NRP2: variants seen among roughly 807,000 people sequenced by gnomAD.
NRP2 encodes neuropilin 2.
Under a neutral mutation model 110.4 loss-of-function variants are expected in NRP2, and 52 were observed. The ratio of observed to expected loss-of-function variants is 0.47; its 90% confidence interval spans 0.38 to 0.59. The LOEUF (loss-of-function observed/expected upper bound fraction) is 0.59. NRP2 is among the 20% of genes least tolerant of loss of function. The pLI is 0.00. For synonymous variants in NRP2, 508 were observed against 468.9 expected, an observed-to-expected ratio of 1.08 and a Z score of -1.08; for missense variants, 1,049 against 1,203.0, an observed-to-expected ratio of 0.87 and a Z score of 1.89.
intron 15 of NRP2, among the ~76,000 whole-genome samples, chr2:205,770,027 G>A (rs1044423059): frequency 1.3e-5 from 2 of 152,176 alleles, no homozygotes; most frequent in African/African-American, 2.4e-5. Flanking sequence ...GTTTTTGTTC[G>A]TGTTAGAGGC....
At chr2:205,740,784 A>T in intron 8 of NRP2, 121 bp downstream of exon 8, 4 of 1,110,010 alleles carry the variant, frequency 3.6e-6, no homozygotes, top group Non-Finnish European at 5.2e-6. Flanking sequence ...TGGCTCAAGG[A>T]CTCAAGTCCT....
chr2:205,683,298 T>C lies in NRP2; in HGVS notation c.8T>C (p.Met3Thr). 3 of 1,613,464 alleles carry C rather than the reference T, an allele frequency of 1.9e-6. No homozygotes were observed. The highest frequency in any genetic ancestry group is 2.2e-5 in the South Asian group (2 of 90,966). ...AGAGCCACCTTCTCCAAAATGGATA[T>C]GTTTCCTCTCACCTGGGTTTTCTTA... MDMFPLTWVFLAL... is the reference protein window; with the variant it reads MDTFPLTWVFLAL... The change falls in exon 1 of 17, where the codon ATG becomes ACG. Residue 3 changes from methionine to threonine, a missense_variant. Transcript: ENST00000357785.
rs2058340197 is a variant in NRP2 at position 205,795,040 on chromosome 2, G to A, written c.2763G>A (p.Lys921=). The change falls in exon 17 of 17, where the codon AAG becomes AAA. Residue 921 remains lysine, a synonymous_variant. Transcript: ENST00000357785. The part of the protein sequence containing the change: ...LKHKVKMNHQ[K]CCSEA Reference sequence around the variant, plus strand: ...ACAAGGTCAAGATGAACCACCAAAAGTGCTGCTCCGAGGCATGACGGATTG... The same window carrying A: ...ACAAGGTCAAGATGAACCACCAAAAATGCTGCTCCGAGGCATGACGGATTG... The A allele has an allele frequency of 6.2e-7, 1 of 1,614,032 alleles. No homozygotes were observed. Among genetic ancestry groups the A allele is most frequent in the Admixed American group, 1.7e-5 (1 of 60,000 alleles).
intron 15 of NRP2, chr2:205,776,074 C>A: frequency 1.3e-6 from 1 of 774,328 alleles, no homozygotes; most frequent in Non-Finnish European, 2.3e-6. Context: ...GGAAATAATG[C>A]AATCGTTGAG....
At chr2:205,750,815 T>G (rs3771016) in intron 11 of NRP2, among the ~76,000 whole-genome samples, 1 of 152,006 alleles carries the variant, frequency 6.6e-6, no homozygotes, top group Non-Finnish European at 1.5e-5. Context: ...CTGTGGAACC[T>G]GCAAGCACAG....
At chr2:205,787,229 C>T (rs1351831551) in intron 15 of NRP2, among the ~76,000 whole-genome samples, 1 of 152,150 alleles carries the variant, frequency 6.6e-6, no homozygotes, top group Non-Finnish European at 1.5e-5. Context: ...ATTCCGCCCC[C>T]AGCCTAGGGC....
intron 12 of NRP2, chr2:205,762,359 G>A (rs2057837569): frequency 6.6e-6 from 1 of 152,300 alleles, no homozygotes; most frequent in South Asian, 2.1e-4. Flanking sequence ...GGCCACTGAT[G>A]GGAGGTCCAG....
intron 7 of NRP2, among the ~76,000 whole-genome samples, chr2:205,731,966 G>A (rs1266719853): frequency 6.6e-6 from 1 of 152,202 alleles, no homozygotes; most frequent in Non-Finnish European, 1.5e-5. Context: ...TAAGTGCCTT[G>A]CTGCAGGGAC....
rs1480501946 is a variant in NRP2, at chr2:205,686,526, G to T, written c.73+3163G>T. 6.6e-6 allele frequency among the ~76,000 whole-genome samples: 1 copy of T among 152,226 alleles called. No individual in the cohort carries two copies. Among genetic ancestry groups the T allele is most frequent in the Non-Finnish European group, 1.5e-5 (1 of 68,046 alleles). The stretch of plus-strand genomic sequence containing the variant: ...AAGGGCTGCCCCCGCCCTTCGACTC[G>T]GGCTGGCTGTGCCGGGGGTCTTTCC... On this transcript the variant is annotated intron_variant, in intron 1 of 16. Coordinates refer to ENST00000357785, the MANE Select transcript of NRP2 (RefSeq NM_003872.3). The surrounding 1 kb of genome is among the most constrained non-coding windows in gnomAD (Gnocchi z 4.7).
chr2:205,711,463 T>A (rs973962783), intron 2 of NRP2, among the ~76,000 whole-genome samples: 1 of 152,144 alleles, frequency 6.6e-6, no homozygotes, highest in Non-Finnish European at 1.5e-5. Flanking sequence ...AGGTAACATT[T>A]GTCCTTAAGC....
At chr2:205,738,091 A>G (rs1381508517) in intron 7 of NRP2, among the ~76,000 whole-genome samples, 1 of 152,250 alleles carries the variant, frequency 6.6e-6, no homozygotes, top group Non-Finnish European at 1.5e-5. Flanking sequence ...ATAAAATTGG[A>G]TATTAACAAC....
At chr2:205,694,651 A>G (rs2056385120) in intron 1 of NRP2, among the ~76,000 whole-genome samples, 1 of 152,230 alleles carries the variant, frequency 6.6e-6, no homozygotes, top group Admixed American at 6.5e-5. Flanking sequence ...CTGAAACAGA[A>G]CAGCAACCAT....
chr2:205,722,659 G>T lies in NRP2; in HGVS notation c.615G>T (p.Glu205Asp). Residue 205 changes from glutamate to aspartate, a missense_variant, in exon 4 of 17, where the codon GAG becomes GAT. Coordinates refer to ENST00000357785, the MANE Select transcript of NRP2 (RefSeq NM_003872.3). ...AGCATGACCCTTTGCAGGTGGGAGA[G>T]GGGGACTGCAAGTACGATTGGCTGG... Reference protein sequence around the residue: ...DLEHDPLQVGEGDCKYDWLDI... With the variant: ...DLEHDPLQVGDGDCKYDWLDI... The T allele has an allele frequency of 6.2e-7, 1 of 1,614,190 alleles. No homozygotes were observed. The highest frequency in any genetic ancestry group is 1.1e-5 in the South Asian group (1 of 91,080).
intron 15 of NRP2, among the ~76,000 whole-genome samples, chr2:205,774,148 G>T (rs2105941895): frequency 6.6e-6 from 1 of 152,292 alleles, no homozygotes; most frequent in African/African-American, 2.4e-5. Context: ...GCAGCAGGAT[G>T]GTTGCCAGGC....
intron 3 of NRP2, among the ~76,000 whole-genome samples, chr2:205,719,724 G>A (rs1445078910): frequency 6.6e-6 from 1 of 152,164 alleles, no homozygotes; most frequent in Admixed American, 6.5e-5. Context: ...TTCACCTTCT[G>A]CGGGGAAGGC....
chr2:205,740,798 A>C, intron 8 of NRP2, 135 bp downstream of exon 8: 2 of 950,576 alleles, frequency 2.1e-6, no homozygotes, highest in Non-Finnish European at 3.1e-6. Flanking sequence ...AAGTCCTACC[A>C]GAGTTTGTCT....
intron 9 of NRP2, 61 bp from the exon 10 acceptor site, chr2:205,745,685 G>T: frequency 6.2e-7 from 1 of 1,606,400 alleles, no homozygotes; most frequent in South Asian, 1.1e-5. Flanking sequence ...GAAGGAAAGG[G>T]AAGAAGGTGA....
chr2:205,729,410 T>C (rs1408563117), intron 7 of NRP2, among the ~76,000 whole-genome samples: 1 of 152,206 alleles, frequency 6.6e-6, no homozygotes, highest in Non-Finnish European at 1.5e-5. Flanking sequence ...TTACCAAGCA[T>C]CCGTTGGGAA....
rs1248953629 is a variant in NRP2, at chr2:205,686,749, A to G, written c.73+3386A>G. ...TTGCGGCTTCTGCGGCTCCGGCTGAATTTCTTCTAAAAGATAGGAGATCCA... is the reference window on the plus strand; with the variant it reads ...TTGCGGCTTCTGCGGCTCCGGCTGAGTTTCTTCTAAAAGATAGGAGATCCA... On this transcript the variant is annotated intron_variant, in intron 1 of 16. Transcript: ENST00000357785. This position sits in a 1 kb window ranked among gnomAD's most constrained non-coding sequence, Gnocchi z 4.7. Among the ~76,000 whole-genome samples the G allele has an allele frequency of 6.6e-6, 1 of 152,054 alleles. No homozygotes were observed. Among genetic ancestry groups the G allele is most frequent in the African/African-American group, 2.4e-5 (1 of 41,396 alleles).
Sources: gnomAD v4.1 joint callset for allele counts (sites outside exome capture counted in the v4.1 genomes callset) on GRCh38, gnomAD v4.1.1 for gene constraint, Gnocchi (gnomAD v3.1) non-coding constraint, MANE v1.5 for transcripts, NCBI Gene and HGNC (gene_info 2026-07-23, HGNC 2026-07-21) for gene names.